PLCE1: variants seen among roughly 807,000 people sequenced by gnomAD.
The protein encoded by PLCE1 is phospholipase C epsilon 1.
PLCE1 carries 119 observed loss-of-function variants against 242.8 expected under a neutral mutation model. The ratio of observed to expected loss-of-function variants is 0.49; its 90% CI spans 0.42 to 0.57. The LOEUF (loss-of-function observed/expected upper bound fraction) is 0.57. Among genes scored for constraint, PLCE1 ranks in the 20% least tolerant of loss-of-function variants. PLCE1 has a pLI of 0.00. For synonymous variants in PLCE1, 945 were observed against 1,017.4 expected, an observed-to-expected ratio of 0.93 and a Z score of 1.35; for missense variants, 2,441 against 2,788.8, an observed-to-expected ratio of 0.88 and a Z score of 2.81.
chr10:94,151,723 A>T (rs1382160052), intron 3 of PLCE1, among the ~76,000 whole-genome samples: 3 of 152,180 alleles, frequency 2.0e-5, no homozygotes, highest in African/African-American at 7.2e-5. Flanking sequence ...GGGGGCCAGA[A>T]ATGAGCACCA....
intron 2 of PLCE1, among the ~76,000 whole-genome samples, chr10:94,051,598 G>T (rs546967936): frequency 2.0e-5 from 3 of 152,308 alleles, no homozygotes; most frequent in African/African-American, 7.2e-5. Context: ...AATGTTGGAG[G>T]CCAATGGGCA....
chr10:94,034,181 C>G (rs1489068798), intron 2 of PLCE1, among the ~76,000 whole-genome samples: 5 of 152,148 alleles, frequency 3.3e-5, no homozygotes, highest in Non-Finnish European at 1.5e-5. Context: ...ATAGGGGAAA[C>G]CGCCCCCATG....
chr10:94,234,141 T>C lies in PLCE1; in HGVS notation c.2043T>C (p.His681=). Residue 681 remains histidine, a synonymous_variant, in exon 6 of 33, where the codon CAT becomes CAC. Transcript: ENST00000371380. ...MRSLKDAMAQ[H]ESSCEYRKVV... ...GCCTGAAGGATGCTATGGCCCAGCA[T>C]GAGTCCTCTTGTGAGTACAGAAAGG... The C allele has an allele frequency of 1.2e-6, 2 of 1,614,026 alleles. No individual in the cohort carries two copies. Among genetic ancestry groups the C allele is most frequent in the East Asian group, 2.2e-5 (1 of 44,862 alleles).
chr10:94,071,239 C>T (rs1252697195), intron 2 of PLCE1, among the ~76,000 whole-genome samples: 3 of 152,104 alleles, frequency 2.0e-5, no homozygotes, highest in South Asian at 2.1e-4. Context: ...ATCCTGCTTC[C>T]GTGTCCCTCT....
chr10:94,052,958 G>A (rs2043804826), intron 2 of PLCE1, among the ~76,000 whole-genome samples: 1 of 152,164 alleles, frequency 6.6e-6, no homozygotes, highest in African/African-American at 2.4e-5. Flanking sequence ...TAAGCCACTT[G>A]CCATTTCTGA....
intron 2 of PLCE1, among the ~76,000 whole-genome samples, chr10:94,121,938 C>G (rs1331034593): frequency 6.6e-6 from 1 of 152,164 alleles, no homozygotes; most frequent in Non-Finnish European, 1.5e-5. Flanking sequence ...ACATTTCCAG[C>G]TGGGCAGAGA....
At chr10:94,117,012 C>T (rs948008919) in intron 2 of PLCE1, among the ~76,000 whole-genome samples, 6 of 152,192 alleles carry the variant, frequency 3.9e-5, no homozygotes, top group African/African-American at 1.4e-4. Flanking sequence ...TATAGTGTAT[C>T]ATGGTCTCTA....
chr10:94,151,303 G>A (rs2047266927), intron 3 of PLCE1, among the ~76,000 whole-genome samples: 2 of 152,288 alleles, frequency 1.3e-5, no homozygotes, highest in South Asian at 4.1e-4. Flanking sequence ...TCAGGAGCTT[G>A]TTGCAAATAT....
chr10:94,118,102 T>A (rs752332657), intron 2 of PLCE1, among the ~76,000 whole-genome samples: 2 of 152,180 alleles, frequency 1.3e-5, no homozygotes, highest in African/African-American at 4.8e-5. Flanking sequence ...GAAGGTTTTT[T>A]AAAAAAAGTT....
At chr10:94,258,625 C>T (rs2051185977) in intron 11 of PLCE1, among the ~76,000 whole-genome samples, 175 bp from the exon 12 acceptor site, 1 of 152,146 alleles carries the variant, frequency 6.6e-6, no homozygotes, top group South Asian at 2.1e-4. Context: ...TGTTTTATTT[C>T]CTCTGATACA....
intron 2 of PLCE1, among the ~76,000 whole-genome samples, chr10:94,124,613 T>C (rs1269241984): frequency 6.6e-6 from 1 of 152,178 alleles, no homozygotes; most frequent in Non-Finnish European, 1.5e-5. Flanking sequence ...AGAGTCTTTT[T>C]TCTTTTTAAA....
intron 4 of PLCE1, among the ~76,000 whole-genome samples, chr10:94,173,716 C>T (rs912426536): frequency 6.6e-6 from 1 of 152,146 alleles, no homozygotes; most frequent in African/African-American, 2.4e-5. Flanking sequence ...TAGAGGCAGG[C>T]TTTGGACTAT....
At chr10:94,076,124 T>C (rs77709880) in intron 2 of PLCE1, among the ~76,000 whole-genome samples, 180 of 136,042 alleles carry the variant, frequency 1.3e-3, no homozygotes, top group African/African-American at 2.6e-3. Flanking sequence ...TTTGTGTGTG[T>C]GTGCGTGCGT....
At chr10:94,048,860 TG>T (rs1365003368) in intron 2 of PLCE1, among the ~76,000 whole-genome samples, 1 of 151,514 alleles carries the variant, frequency 6.6e-6, no homozygotes, top group African/African-American at 2.4e-5. Flanking sequence ...ATCAAACTTC[TG>T]TGTTCAAAAG....
chr10:93,998,694 C>G (rs574443863), intron 1 of PLCE1, among the ~76,000 whole-genome samples: 1 of 152,316 alleles, frequency 6.6e-6, no homozygotes, highest in East Asian at 1.9e-4. Context: ...CAGGGCTCCT[C>G]AAGTCTTCCC....
chr10:94,250,205 T>TA (rs965950406), intron 8 of PLCE1, among the ~76,000 whole-genome samples: 3 of 149,922 alleles, frequency 2.0e-5, no homozygotes, highest in Admixed American at 6.7e-5. Context: ...TCTCCCACAT[T>TA]AAAAAAAGAA....
chr10:94,146,902 A>C (rs1213120566), intron 3 of PLCE1, among the ~76,000 whole-genome samples: 3 of 152,352 alleles, frequency 2.0e-5, no homozygotes, highest in Admixed American at 2.0e-4. Flanking sequence ...TTGTTACAAA[A>C]GATTCAGGAA....
rs199793703 is a variant in PLCE1, at chr10:94,270,508, G to A, written c.4412G>A (p.Arg1471His). 2.1e-5 allele frequency: 34 copies of A among 1,612,242 alleles called. No homozygotes were observed. The highest frequency in any genetic ancestry group is 1.9e-4 in the African/African-American group (14 of 74,994). Residue 1471 changes from arginine (R) to histidine (H), a missense_variant, in exon 18 of 33, where the codon CGC becomes CAC. By Grantham distance (29) the Arg-to-His change is conservative. Transcript: ENST00000371380. ...TAGGAAGTGGTTGAAGCCATTGATC[G>A]CAGTGCCTTCATCAACTCTGACCTG... ...PFKEVVEAIDRSAFINSDLPI... is the reference protein window; with the variant it reads ...PFKEVVEAIDHSAFINSDLPI...
In PLCE1 at chr10:94,328,548, TAAGAG is replaced by T. The variant is rs2054113719; in HGVS notation, c.*613_*617del. The T allele has an allele frequency of 6.6e-6, 1 of 152,274 alleles. No homozygotes were observed. The highest frequency in any genetic ancestry group is 2.4e-5 in the African/African-American group (1 of 41,430). 9.4% of individuals were successfully genotyped at this position (152,274 alleles called of 1,614,324 possible). ...AAGGACCTTAATTTGCCAACACAAC[TAAGAG>T]AAGAGAACTGGGAACAAGGAGCACA... On this transcript the variant is annotated 3_prime_UTR_variant, in exon 33 of 33. Transcript: ENST00000371380.
Sources: allele counts gnomAD v4.1 joint callset (sites outside exome capture counted in the v4.1 genomes callset), GRCh38; gene constraint gnomAD v4.1.1; transcripts MANE v1.5; gene names NCBI Gene and HGNC (gene_info 2026-07-23, HGNC 2026-07-21).